CPLANE1: variants seen among roughly 807,000 people sequenced by gnomAD.
CPLANE1 encodes the protein ciliogenesis and planar polarity effector complex subunit 1.
In CPLANE1, 263 loss-of-function variants were observed where a neutral mutation model predicts 362.5. The ratio of observed to expected loss-of-function variants is 0.73; its 90% CI spans 0.66 to 0.80. The LOEUF is 0.80. Ranked by LOEUF, CPLANE1 falls within the 30% of genes least tolerant of loss-of-function variation. CPLANE1 has a pLI of 0.00. For missense variants in CPLANE1, 3,461 were observed against 3,793.4 expected, an observed-to-expected ratio of 0.91 and a Z score of 2.30; for synonymous variants, 1,212 against 1,302.6, an observed-to-expected ratio of 0.93 and a Z score of 1.50.
chr5:37,201,465 C>A, intron 19 of CPLANE1, 126 bp downstream of exon 19: 2 of 703,566 alleles, frequency 2.8e-6, no homozygotes, highest in South Asian at 3.9e-5. Flanking sequence ...AACAGCAAAG[C>A]TGGGATCTAT....
At chr5:37,126,674 G>T (rs991076881) in intron 46 of CPLANE1, among the ~76,000 whole-genome samples, 3 of 152,150 alleles carry the variant, frequency 2.0e-5, no homozygotes, top group African/African-American at 7.2e-5. Flanking sequence ...CATGCAGTAG[G>T]AGTGGTCTGA....
chr5:37,214,942 C>T (rs116455763), intron 15 of CPLANE1, among the ~76,000 whole-genome samples: 63 of 152,334 alleles, frequency 4.1e-4, no homozygotes, highest in African/African-American at 1.5e-3. Context: ...TTGAGGTCTG[C>T]AGCTATGGTT....
intron 16 of CPLANE1, chr5:37,211,053 T>C: frequency 1.2e-6 from 1 of 837,844 alleles, no homozygotes; most frequent in Admixed American, 1.7e-5. Context: ...TCCAAAGCAG[T>C]CTGTGATCCA....
intron 15 of CPLANE1, among the ~76,000 whole-genome samples, chr5:37,215,739 C>CTTTTTTTTTTTTTTTTTTT (rs567527656): frequency 2.1e-5 from 2 of 95,220 alleles, no homozygotes; most frequent in African/African-American, 4.0e-5. Flanking sequence ...CTTCTCTTTC[C>CTTTTTTTTTTTTTTTTTTT]TTTTTTTTTT....
chr5:37,170,593 T>C (rs1779523672), intron 32 of CPLANE1, among the ~76,000 whole-genome samples: 1 of 152,046 alleles, frequency 6.6e-6, no homozygotes, highest in African/African-American at 2.4e-5. Context: ...CAGTTTACAG[T>C]ATTCAGTTTC....
intron 38 of CPLANE1, among the ~76,000 whole-genome samples, chr5:37,159,333 G>A (rs1049545286): frequency 6.7e-6 from 1 of 150,058 alleles, no homozygotes; most frequent in South Asian, 2.1e-4. Flanking sequence ...GGATGGTCTC[G>A]ATCTCCTGAC....
intron 49 of CPLANE1, 100 bp from the exon 50 acceptor site, chr5:37,120,440 C>T: frequency 1.0e-6 from 1 of 995,568 alleles, no homozygotes; most frequent in Non-Finnish European, 1.4e-6. Context: ...CACAGTAGTG[C>T]AAGCCTATAG....
intron 16 of CPLANE1, chr5:37,211,452 G>C: frequency 6.8e-7 from 1 of 1,472,796 alleles, no homozygotes; most frequent in Non-Finnish European, 9.2e-7. Context: ...AGAGGACAGA[G>C]TTGTCTCTGA....
Position 37,245,516 on chromosome 5 carries a change from T to A in CPLANE1, c.300A>T (p.Ile100=). The A allele has an allele frequency of 6.7e-7, 1 of 1,501,540 alleles. No individual in the cohort carries two copies. Among genetic ancestry groups the A allele is most frequent in the East Asian group, 2.6e-5 (1 of 39,018 alleles). The allele number at this position is 1,501,540 out of a possible 1,614,324, so 93.0% of individuals were successfully genotyped here. A position where few individuals can be genotyped will look rare whatever the true frequency, so the allele number is the denominator to read the frequency against. ...KDQDCLKTIP[I]TEKPKEMIKA... is the part of the protein sequence containing the mutation. ...TGATCATTTCCTTAGGCTTTTCAGT[T>A]ATTGGTATAGTTTTCAAACAATCTT... Residue 100 remains isoleucine, a synonymous_variant, in exon 4 of 53, where the codon ATA becomes ATT. Coordinates refer to ENST00000651892, the MANE Select transcript of CPLANE1 (RefSeq NM_001384732.1).
At position 37,120,421 on chromosome 5, in the gene CPLANE1, T is replaced by G; in HGVS notation, c.9186-81A>C. 3.1e-6 allele frequency: 4 copies of G among 1,283,640 alleles called. No individual in the cohort carries two copies. The East Asian group carries it at 1.1e-4, about 34-fold the overall frequency. 79.5% of individuals were successfully genotyped at this position (1,283,640 alleles called of 1,614,324 possible). On this transcript the variant is annotated intron_variant, in intron 49 of 52. Transcript: ENST00000651892. ...CTTTAACATTTCAAAAAGCCCAAAT[T>G]AAGCTGGGCACAGTAGTGCAAGCCT...
At chr5:37,142,781 C>A (rs1450967861) in intron 43 of CPLANE1, 1 of 172,660 alleles carries the variant, frequency 5.8e-6, no homozygotes, top group Non-Finnish European at 1.2e-5. Flanking sequence ...TCTTTCTAAA[C>A]AGAGAAATCC....
Position 37,156,895 on chromosome 5 carries a change from T to G in CPLANE1, c.8119+418A>C, listed in dbSNP as rs1267060572. ...CCTCAAACCTTAGCATCATGCAATA[T>G]ACCTATGTAACAAACTTGTACATGT... On this transcript the variant is annotated intron_variant, in intron 41 of 52. Coordinates refer to ENST00000651892, the MANE Select transcript of CPLANE1 (RefSeq NM_001384732.1). 1.3e-5 allele frequency among the ~76,000 whole-genome samples: 2 copies of G among 152,176 alleles called. 1 individual carries two copies.
At position 37,178,445 on chromosome 5, in the gene CPLANE1, T is replaced by G. The variant is rs531679615; in HGVS notation, c.5821-745A>C. ...AGGCCCAGTCTCTACAAAAAAATGTTTTTTTTTTTTTAAATTAGCTGGGCA... is the reference window on the plus strand; with the variant it reads ...AGGCCCAGTCTCTACAAAAAAATGTGTTTTTTTTTTTAAATTAGCTGGGCA... On this transcript the variant is annotated intron_variant, in intron 29 of 52. Coordinates refer to ENST00000651892, the MANE Select transcript of CPLANE1 (RefSeq NM_001384732.1). Among the ~76,000 whole-genome samples the G allele has an allele frequency of 8.8e-5, 13 of 148,218 alleles. No individual in the cohort carries two copies. In the East Asian group the frequency reaches 9.8e-4, roughly 11 times the overall value.
At chr5:37,212,034 C>T (rs4400151) in intron 16 of CPLANE1, 21 of 955,934 alleles carry the variant, frequency 2.2e-5, no homozygotes, top group South Asian at 1.3e-4. Context: ...AGTGAAAGAA[C>T]GAAAGCAGAG....
chr5:37,227,450 T>A (rs1048609855), intron 10 of CPLANE1, 58 bp from the exon 11 acceptor site: 3 of 1,488,618 alleles, frequency 2.0e-6, no homozygotes, highest in Admixed American at 2.6e-5. Context: ...AATTCTATTA[T>A]AAGCAATTAA....
At position 37,170,229 on chromosome 5, in the gene CPLANE1, A is replaced by C. The variant is rs915755841; in HGVS notation, c.6274T>G (p.Leu2092Val). Reference sequence around the variant, plus strand: ...AGGTTTGATTCTTGGCTTTCCCCTAAATGCACAGACTGAGACTGCTGTACA... The same window carrying C: ...AGGTTTGATTCTTGGCTTTCCCCTACATGCACAGACTGAGACTGCTGTACA... ...QLVQQSQSVH[L>V]GESQESNLRG... Residue 2092 changes from leucine (L) to valine (V), a missense_variant, in exon 33 of 53, where the codon TTA becomes GTA. By Grantham distance (32) the Leu-to-Val change is conservative. Around this residue, in one of 2 missense-constraint regions of CPLANE1, gnomAD observed 3,380 missense variants for 3,666.1 expected, o/e 0.92. Coordinates refer to ENST00000651892, the MANE Select transcript of CPLANE1 (RefSeq NM_001384732.1). 5 of 1,614,022 alleles carry C rather than the reference A, an allele frequency of 3.1e-6. No homozygotes were observed. The highest frequency in any genetic ancestry group is 3.3e-5 in the Admixed American group (2 of 59,992).
chr5:37,212,456 T>A, intron 16 of CPLANE1: 1 of 697,520 alleles, frequency 1.4e-6, no homozygotes, highest in Non-Finnish European at 2.7e-6. Flanking sequence ...TAAATGTTTC[T>A]CTATCAACAG....
In CPLANE1 at chr5:37,155,204, C is replaced by T. The variant is rs1774726638; in HGVS notation, c.8120-1211G>A. On this transcript the variant is annotated intron_variant, in intron 41 of 52. Transcript: ENST00000651892. ...TCATGTTCCTTTTCTGTCCAAAACT[C>T]TTCAGTGTGTCTCCAATACCTTCAC... 2.6e-5 allele frequency among the ~76,000 whole-genome samples: 4 copies of T among 152,182 alleles called. No homozygotes were observed. The South Asian group carries it at 8.3e-4, about 32-fold the overall frequency.
chr5:37,162,629 C>T, intron 37 of CPLANE1, 63 bp from the exon 38 acceptor site: 1 of 1,141,810 alleles, frequency 8.8e-7, no homozygotes, highest in Non-Finnish European at 1.3e-6. Flanking sequence ...AGGAGCCCAG[C>T]AGCACAGTAC....
Sources: gnomAD v4.1 joint callset for allele counts (sites outside exome capture counted in the v4.1 genomes callset) on GRCh38, gnomAD v4.1.1 for gene constraint, gnomAD v4.1.1 regional missense constraint, MANE v1.5 for transcripts, NCBI Gene and HGNC (gene_info 2026-07-23, HGNC 2026-07-21) for gene names.